Variants in TBC1D15 observed in about 807,000 individuals in gnomAD.
The protein encoded by TBC1D15 is TBC1 domain family member 15.
TBC1D15 carries 39 observed loss-of-function variants against 95.4 expected under a neutral mutation model. The observed-to-expected ratio is 0.41, with a 90% CI of 0.32 to 0.53. TBC1D15 has a LOEUF of 0.53. Among genes scored for constraint, TBC1D15 ranks in the 20% least tolerant of loss-of-function variants. TBC1D15 has a pLI of 0.29. For missense variants in TBC1D15, 733 were observed against 794.3 expected, an observed-to-expected ratio of 0.92 and a Z score of 0.93; for synonymous variants, 258 against 261.3, an observed-to-expected ratio of 0.99 and a Z score of 0.12.
chr12:71,851,799 G>T (rs1887891104), intron 1 of TBC1D15, among the ~76,000 whole-genome samples: 1 of 126,518 alleles, frequency 7.9e-6, no homozygotes, highest in South Asian at 2.6e-4. Flanking sequence ...CTGCCCTGTG[G>T]CGTTGCAGGG....
chr12:71,884,996 C>T lies in TBC1D15; in HGVS notation c.529C>T (p.Leu177Phe). 1 of 1,613,758 alleles carries T rather than the reference C, an allele frequency of 6.2e-7. No individual in the cohort carries two copies. The highest frequency in any genetic ancestry group is 8.5e-7 in the Non-Finnish European group (1 of 1,179,800). ...QGDSKLLIES[L>F]EKYVVLCESP... ...AGATAGCAAACTACTGATTGAATCT[C>T]TTGAAAAATATGTGGTATTGTGTGA... Residue 177 changes from leucine to phenylalanine, a missense_variant, in exon 5 of 17, where the codon CTT becomes TTT. By Grantham distance (22) the Leu-to-Phe change is conservative. Coordinates refer to ENST00000485960, the MANE Select transcript of TBC1D15 (RefSeq NM_001146213.3).
chr12:71,845,403 G>A (rs1444311644), intron 1 of TBC1D15, among the ~76,000 whole-genome samples: 7 of 152,220 alleles, frequency 4.6e-5, no homozygotes, highest in Non-Finnish European at 1.0e-4. Flanking sequence ...TGTCAGAGGA[G>A]AAGGTTCGAG....
chr12:71,891,367 T>TG (rs1202560117), intron 5 of TBC1D15, among the ~76,000 whole-genome samples: 4 of 152,170 alleles, frequency 2.6e-5, no homozygotes, highest in Non-Finnish European at 4.4e-5. Flanking sequence ...ATAGAATTGC[T>TG]GGGTTAGCAT....
intron 1 of TBC1D15, among the ~76,000 whole-genome samples, chr12:71,855,249 G>A (rs328781): frequency 0.027 from 4,175 of 152,138 alleles, 191 homozygotes; most frequent in African/African-American, 0.094. Flanking sequence ...CCTCCCACTG[G>A]GTTCCTCCCT....
rs544144678 is a variant in TBC1D15 at position 71,874,750 on chromosome 12, G to A, written c.204+1747G>A. On this transcript the variant is annotated intron_variant, in intron 3 of 16. Coordinates refer to ENST00000485960, the MANE Select transcript of TBC1D15 (RefSeq NM_001146213.3). ...CAATTCTCATGCCTCAGCCTTCCAA[G>A]TAGCTGGGATTACAGGTTCCTGCCA... Among the ~76,000 whole-genome samples the A allele has an allele frequency of 1.8e-4, 26 of 148,420 alleles. 1 individual carries two copies. The highest frequency in any genetic ancestry group is 2.8e-4 in the Non-Finnish European group (19 of 67,524).
intron 1 of TBC1D15, among the ~76,000 whole-genome samples, chr12:71,856,084 A>G (rs2138031358): frequency 6.6e-6 from 1 of 152,296 alleles, no homozygotes; most frequent in South Asian, 2.1e-4. Flanking sequence ...TGATTTTGAC[A>G]CTATGTATCC....
intron 10 of TBC1D15, among the ~76,000 whole-genome samples, chr12:71,902,340 A>G (rs1461905696): frequency 1.3e-5 from 2 of 152,204 alleles, no homozygotes; most frequent in African/African-American, 2.4e-5. Context: ...CTGCAAGGGT[A>G]TAGTAACTAA....
chr12:71,842,830 C>CAAAAA (rs58842371), intron 1 of TBC1D15, among the ~76,000 whole-genome samples: 30 of 84,338 alleles, frequency 3.6e-4, no homozygotes, highest in East Asian at 6.0e-4. Context: ...GACCCTGTCT[C>CAAAAA]AAAAAAAAAA....
intron 1 of TBC1D15, chr12:71,849,986 A>G (rs1408279002): frequency 5.9e-6 from 3 of 512,276 alleles, no homozygotes; most frequent in Admixed American, 5.1e-5. Context: ...CTATAGCTCT[A>G]AACTCAAAAA....
chr12:71,867,685 T>G (rs1891781441), intron 1 of TBC1D15, among the ~76,000 whole-genome samples: 1 of 152,202 alleles, frequency 6.6e-6, no homozygotes, highest in South Asian at 2.1e-4. Flanking sequence ...GACAGGATCT[T>G]ACTTTGTTGC....
chr12:71,896,482 GT>G (rs1898201849), intron 8 of TBC1D15, 194 bp from the exon 9 acceptor site: 1 of 581,152 alleles, frequency 1.7e-6, no homozygotes, highest in South Asian at 2.2e-5. Flanking sequence ...TCTGTGCACT[GT>G]TTAAACTTTC....
chr12:71,876,786 G>T (rs1592742031), intron 3 of TBC1D15, among the ~76,000 whole-genome samples: 1 of 133,848 alleles, frequency 7.5e-6, no homozygotes, highest in Non-Finnish European at 1.6e-5. Flanking sequence ...TTTTCCCGTG[G>T]ATTTTTTTTT....
chr12:71,845,334 G>A (rs1886027331), intron 1 of TBC1D15, among the ~76,000 whole-genome samples: 1 of 152,184 alleles, frequency 6.6e-6, no homozygotes, highest in Admixed American at 6.5e-5. Context: ...GACTAGATCA[G>A]AAGAAGAGAG....
intron 11 of TBC1D15, among the ~76,000 whole-genome samples, chr12:71,910,232 G>T (rs1901861059): frequency 6.6e-6 from 1 of 151,654 alleles, no homozygotes; most frequent in South Asian, 2.1e-4. Context: ...TCTCTGTTTT[G>T]GTACCAGTAC....
At chr12:71,882,749 G>A (rs1336069327) in intron 4 of TBC1D15, among the ~76,000 whole-genome samples, 1 of 152,144 alleles carries the variant, frequency 6.6e-6, no homozygotes, top group Non-Finnish European at 1.5e-5. Context: ...CTGTATGCTA[G>A]CCACTCTTCT....
Position 71,922,992 on chromosome 12 carries a change from C to T in TBC1D15, c.1813C>T (p.Gln605Ter), listed in dbSNP as rs748034160. ...GATTTTTCATATCCAGGAATTGCCA[C>T]AAGCAGTCTGTGAGATCCTTGGGCT... ...LQMVKCKELPQAVCEILGLQG... is the reference protein window; with the variant it reads ...LQMVKCKELP The change falls in exon 17 of 17, where the codon CAA becomes TAA. Residue 605 changes from glutamine (Q) to a stop codon, truncating the protein, a stop_gained. Transcript: ENST00000485960. LOFTEE classifies it high-confidence loss of function. The T allele has an allele frequency of 6.2e-7, 1 of 1,614,140 alleles. No homozygotes were observed. Among genetic ancestry groups the T allele is most frequent in the South Asian group, 1.1e-5 (1 of 91,082 alleles).
At position 71,896,760 on chromosome 12, in the gene TBC1D15, C is replaced by A; in HGVS notation, c.1068C>A (p.Thr356=). 1 of 1,610,136 alleles carries A rather than the reference C, an allele frequency of 6.2e-7. No individual in the cohort carries two copies. ...FPWDSTKEER[T]QLQKQKTDEY... is the part of the protein sequence containing the mutation. Reference sequence around the variant, plus strand: ...GGGACAGTACCAAGGAGGAAAGAACCCAATTACAAAAGCAAAAAACGTAAG... The same window carrying A: ...GGGACAGTACCAAGGAGGAAAGAACACAATTACAAAAGCAAAAAACGTAAG... Residue 356 remains threonine (T), a synonymous_variant, in exon 9 of 17, where the codon ACC becomes ACA. Coordinates refer to ENST00000485960, the MANE Select transcript of TBC1D15 (RefSeq NM_001146213.3).
At chr12:71,847,553 G>A in intron 1 of TBC1D15, among the ~76,000 whole-genome samples, 1 of 151,906 alleles carries the variant, frequency 6.6e-6, no homozygotes, top group South Asian at 2.1e-4. Context: ...AAATTAGCTG[G>A]GTGTGGTGGT....
intron 1 of TBC1D15, among the ~76,000 whole-genome samples, chr12:71,870,075 A>G (rs1294183929): frequency 6.6e-6 from 1 of 152,296 alleles, no homozygotes; most frequent in East Asian, 1.9e-4. Context: ...ATGTCAGCAT[A>G]CTATATATAC....
Sources: allele counts gnomAD v4.1 joint callset (sites outside exome capture counted in the v4.1 genomes callset), GRCh38; gene constraint gnomAD v4.1.1; transcripts MANE v1.5; gene names NCBI Gene and HGNC (gene_info 2026-07-23, HGNC 2026-07-21).